PAQR9: variants seen among roughly 807,000 people sequenced by gnomAD.
PAQR9 encodes the protein membrane progestin receptor epsilon.
In PAQR9, 12 loss-of-function variants were observed where a neutral mutation model predicts 24.0. The ratio of observed to expected loss-of-function variants is 0.50; its 90% CI spans 0.32 to 0.81. The LOEUF (loss-of-function observed/expected upper bound fraction) is 0.81, where lower values mean the gene tolerates loss of function less well. Ranked by LOEUF, PAQR9 falls within the 30% of genes least tolerant of loss-of-function variation. The pLI is 0.03. For missense variants in PAQR9, 418 were observed against 520.8 expected, an observed-to-expected ratio of 0.80 and a Z score of 1.92; for synonymous variants, 266 against 237.6, an observed-to-expected ratio of 1.12 and a Z score of -1.10.
chr3:142,956,758 T>C lies in PAQR9; in HGVS notation c.*5445A>G, dbSNP rs1934795865. Among the ~76,000 whole-genome samples the C allele has an allele frequency of 6.6e-6, 1 of 152,202 alleles. No individual in the cohort carries two copies. Among genetic ancestry groups the C allele is most frequent in the African/African-American group, 2.4e-5 (1 of 41,460 alleles). On this transcript the variant is annotated 3_prime_UTR_variant, in exon 1 of 1. Coordinates refer to ENST00000340634, the MANE Select transcript of PAQR9 (RefSeq NM_198504.4). ...CTCTAGAACAAAAATGCCTACAAACTGGTTAGAAATCTGCAAACCAGAAAT... is the reference window on the plus strand; with the variant it reads ...CTCTAGAACAAAAATGCCTACAAACCGGTTAGAAATCTGCAAACCAGAAAT...
chr3:142,952,884 A>C (rs1233441530), downstream of PAQR9: 1 of 456,718 alleles, frequency 2.2e-6, no homozygotes, highest in Non-Finnish European at 4.4e-6. Flanking sequence ...AGAGCTGAGA[A>C]TCAGCTCCAA....
In PAQR9 at chr3:142,963,117, G is replaced by A. The variant is rs766092618; in HGVS notation, c.220C>T (p.Leu74=). 1.2e-6 allele frequency: 2 copies of A among 1,613,412 alleles called. No individual in the cohort carries two copies. The highest frequency in any genetic ancestry group is 1.7e-6 in the Non-Finnish European group (2 of 1,179,676). Residue 74 remains leucine, a synonymous_variant, in exon 1 of 1, where the codon CTA becomes TTA. Coordinates refer to ENST00000340634, the MANE Select transcript of PAQR9 (RefSeq NM_198504.4). The part of the protein sequence containing the change: ...RRLPCTAQEC[L]ASVLKPTNET... ...TTGGTAGGCTTCAGCACCGAGGCTA[G>A]GCACTCCTGGGCCGTGCACGGCAGA... is the stretch of plus-strand genomic sequence containing the variant.
At position 142,962,784 on chromosome 3, in the gene PAQR9, C is replaced by A; in HGVS notation, c.553G>T (p.Ala185Ser). 6.2e-7 allele frequency: 1 copy of A among 1,612,338 alleles called. No homozygotes were observed. Reference sequence around the variant, plus strand: ...TGCAAGTATGGAGTCATGACTCTGGCATCCAGCAAGCTGAGGCCTGGCAAC... The same window carrying A: ...TGCAAGTATGGAGTCATGACTCTGGAATCCAGCAAGCTGAGGCCTGGCAAC... ...YLLPGLSLLD[A>S]RVMTPYLQQR... The change falls in exon 1 of 1, where the codon GCC (alanine) becomes TCC (serine). Residue 185 changes from alanine to serine, a missense_variant. By Grantham distance (99) the Ala-to-Ser change is moderately conservative (BLOSUM62 1). Around this residue, in one of 3 missense-constraint regions of PAQR9, gnomAD observed 230 missense variants for 305.2 expected, o/e 0.75. Coordinates refer to ENST00000340634, the MANE Select transcript of PAQR9 (RefSeq NM_198504.4).
At chr3:142,950,698 ACT>A, downstream of PAQR9, 2 of 200,842 alleles carry the variant, frequency 1.0e-5, no homozygotes, top group South Asian at 1.5e-4. Flanking sequence ...ATTGAGAGAA[ACT>A]CTGGGCTTGC....
downstream of PAQR9, chr3:142,952,918 T>C: frequency 2.2e-6 from 1 of 454,682 alleles, no homozygotes; most frequent in Non-Finnish European, 4.4e-6. Flanking sequence ...AAGGGAAGTA[T>C]GGGAACGTGA....
chr3:142,960,128 T>A lies in PAQR9; in HGVS notation c.*2075A>T, dbSNP rs1360091068. Among the ~76,000 whole-genome samples, 1 of 152,222 alleles carries A rather than the reference T, an allele frequency of 6.6e-6. No homozygotes were observed. The highest frequency in any genetic ancestry group is 1.5e-5 in the Non-Finnish European group (1 of 68,042). The stretch of plus-strand genomic sequence containing the variant: ...GACACTCGTCAACAACTGTGCAAAG[T>A]GTATTTACAATCTCAGTAAGAGATT... On this transcript the variant is annotated 3_prime_UTR_variant, in exon 1 of 1. Transcript: ENST00000340634.
In PAQR9 at chr3:142,962,013, C is replaced by T. The variant is rs543119445; in HGVS notation, c.*190G>A. The T allele has an allele frequency of 1.5e-6, 1 of 663,430 alleles. No homozygotes were observed. Among genetic ancestry groups the T allele is most frequent in the African/African-American group, 1.8e-5 (1 of 55,146 alleles). The allele number at this position is 663,430 out of a possible 1,614,324, so 41.1% of individuals were successfully genotyped here. A position where few individuals can be genotyped will look rare whatever the true frequency, so the allele number is the denominator to read the frequency against. On this transcript the variant is annotated 3_prime_UTR_variant, in exon 1 of 1. Coordinates refer to ENST00000340634, the MANE Select transcript of PAQR9 (RefSeq NM_198504.4). Reference sequence around the variant, plus strand: ...CTCCCTCCCGCTTGACCACCCCTGCCAACCTCCCTACTTCAAAGCCTCCAG... The same window carrying T: ...CTCCCTCCCGCTTGACCACCCCTGCTAACCTCCCTACTTCAAAGCCTCCAG...
chr3:142,963,925 C>G (rs942738606), upstream of PAQR9: 19 of 980,818 alleles, frequency 1.9e-5, no homozygotes, highest in Non-Finnish European at 2.3e-5. Context: ...GGCTGGTCGG[C>G]GACGCGGCGG....
rs1485977177 is a variant in PAQR9 at position 142,962,782 on chromosome 3, G to C, written c.555C>G (p.Ala185=). The change falls in exon 1 of 1, where the codon GCC becomes GCG. Residue 185 remains alanine, a synonymous_variant. Transcript: ENST00000340634. The part of the protein sequence containing the change: ...YLLPGLSLLD[A]RVMTPYLQQR... ...GCTGCAAGTATGGAGTCATGACTCT[G>C]GCATCCAGCAAGCTGAGGCCTGGCA... is the stretch of plus-strand genomic sequence containing the variant. The C allele has an allele frequency of 5.0e-6, 8 of 1,612,508 alleles. No homozygotes were observed. The highest frequency in any genetic ancestry group is 5.9e-6 in the Non-Finnish European group (7 of 1,179,650).
At chr3:142,963,905 G>T, upstream of PAQR9, 1 of 984,920 alleles carries the variant, frequency 1.0e-6, no homozygotes, top group Non-Finnish European at 1.2e-6. Flanking sequence ...TGATTGATGC[G>T]GGGGCCGCAG....
At chr3:142,952,003 G>A (rs1441140926), downstream of PAQR9, among the ~76,000 whole-genome samples, 1 of 144,832 alleles carries the variant, frequency 6.9e-6, no homozygotes, top group Non-Finnish European at 1.5e-5. Context: ...GAAAACAAAG[G>A]CGGTGTGCAC....
Position 142,962,914 on chromosome 3 carries a change from C to T in PAQR9, c.423G>A (p.Val141=). The T allele has an allele frequency of 6.2e-7, 1 of 1,613,850 alleles. No individual in the cohort carries two copies. The highest frequency in any genetic ancestry group is 8.5e-7 in the Non-Finnish European group (1 of 1,179,996). Residue 141 remains valine (V), a synonymous_variant, in exon 1 of 1, where the codon GTG becomes GTA. Transcript: ENST00000340634. ...GCAGACGCAGCGACAGGCAGCTGAA[C>T]ACGTGCGCCGTGCAGCTCATGGCGA... ...LTFAMSCTAH[V]FSCLSLRLRA...
chr3:142,963,905 G>C, upstream of PAQR9: 1 of 984,920 alleles, frequency 1.0e-6, no homozygotes, highest in African/African-American at 1.7e-5. Flanking sequence ...TGATTGATGC[G>C]GGGGCCGCAG....
rs1029666543 is a variant in PAQR9, at chr3:142,956,469, A to G, written c.*5734T>C. 2.0e-5 allele frequency among the ~76,000 whole-genome samples: 3 copies of G among 152,246 alleles called. No individual in the cohort carries two copies. Among genetic ancestry groups the G allele is most frequent in the Non-Finnish European group, 4.4e-5 (3 of 68,044 alleles). On this transcript the variant is annotated 3_prime_UTR_variant, in exon 1 of 1. Transcript: ENST00000340634. ...TGTTTGGAATAGCTTCCAGAGATTGATTGAGAACAAAAGCATTAAAGCAAG... is the reference window on the plus strand; with the variant it reads ...TGTTTGGAATAGCTTCCAGAGATTGGTTGAGAACAAAAGCATTAAAGCAAG...
In PAQR9 at chr3:142,962,829, C is replaced by A; in HGVS notation, c.508G>T (p.Val170Leu). 2 of 1,613,080 alleles carry A rather than the reference C, an allele frequency of 1.2e-6. No homozygotes were observed. The highest frequency in any genetic ancestry group is 1.7e-6 in the Non-Finnish European group (2 of 1,179,882). ...GGCAACAGGTAGTAGTAGTAGGCCA[C>A]CGTGCTGCCGAAGCCGTAGTAGCTG... ...SISYYGFGST[V>L]AYYYYLLPGL... The change falls in exon 1 of 1, where the codon GTG (valine) becomes TTG (leucine). Residue 170 changes from valine (V) to leucine (L), a missense_variant. Around this residue, in one of 3 missense-constraint regions of PAQR9, gnomAD observed 230 missense variants for 305.2 expected, o/e 0.75. Coordinates refer to ENST00000340634, the MANE Select transcript of PAQR9 (RefSeq NM_198504.4).
chr3:142,949,212 C>A, exon 3 of PAQR9: 1 of 152,192 alleles, frequency 6.6e-6, no homozygotes, highest in Non-Finnish European at 1.5e-5. Context: ...TTCCTTAAAC[C>A]TGTTTCCTTT....
At position 142,962,554 on chromosome 3, in the gene PAQR9, G is replaced by C. The variant is rs1050624446; in HGVS notation, c.783C>G (p.Ser261Arg). Residue 261 changes from serine (S) to arginine (R), a missense_variant, in exon 1 of 1, where the codon AGC (serine) becomes AGG (arginine). By Grantham distance (110) the Ser-to-Arg change is moderately radical. Transcript: ENST00000340634. ...LSMACPIMLESWLFDLRGENP... is the reference protein window; with the variant it reads ...LSMACPIMLERWLFDLRGENP... Reference sequence around the variant, plus strand: ...TCTCCCCACGCAGGTCGAAGAGCCAGCTCTCGAGCATAATGGGGCAGGCCA... The same window carrying C: ...TCTCCCCACGCAGGTCGAAGAGCCACCTCTCGAGCATAATGGGGCAGGCCA... The C allele has an allele frequency of 6.2e-7, 1 of 1,613,848 alleles. No individual in the cohort carries two copies. Among genetic ancestry groups the C allele is most frequent in the Non-Finnish European group, 8.5e-7 (1 of 1,180,022 alleles).
At position 142,956,830 on chromosome 3, in the gene PAQR9, T is replaced by G. The variant is rs561649950; in HGVS notation, c.*5373A>C. ...AAATGACAACAACAGAAATTTATAT[T>G]AGCTTTTGGAAGAGTGACTAAGAAG... is the stretch of plus-strand genomic sequence containing the variant. On this transcript the variant is annotated 3_prime_UTR_variant, in exon 1 of 1. Transcript: ENST00000340634. Among the ~76,000 whole-genome samples, 1 of 152,350 alleles carries G rather than the reference T, an allele frequency of 6.6e-6. No homozygotes were observed. Among genetic ancestry groups the G allele is most frequent in the African/African-American group, 2.4e-5 (1 of 41,582 alleles).
In PAQR9 at chr3:142,963,143, C is replaced by A; in HGVS notation, c.194G>T (p.Arg65Leu). 1 of 1,609,352 alleles carries A rather than the reference C, an allele frequency of 6.2e-7. No homozygotes were observed. Among genetic ancestry groups the A allele is most frequent in the Non-Finnish European group, 8.5e-7 (1 of 1,177,798 alleles). ...GCACTCCTGGGCCGTGCACGGCAGACGCCGGTAGCCCGACAGGATGAAGCA... is the reference window on the plus strand; with the variant it reads ...GCACTCCTGGGCCGTGCACGGCAGAAGCCGGTAGCCCGACAGGATGAAGCA... ...VECFILSGYR[R>L]LPCTAQECLA... The change falls in exon 1 of 1, where the codon CGT becomes CTT. Residue 65 changes from arginine to leucine, a missense_variant. Physicochemically the swap from Arg to Leu is moderately radical, Grantham distance 102. Coordinates refer to ENST00000340634, the MANE Select transcript of PAQR9 (RefSeq NM_198504.4).
Sources: allele counts gnomAD v4.1 joint callset (sites outside exome capture counted in the v4.1 genomes callset), GRCh38; gene constraint gnomAD v4.1.1; regional missense constraint gnomAD v4.1.1; transcripts MANE v1.5; gene names NCBI Gene and HGNC (gene_info 2026-07-23, HGNC 2026-07-21).